Variants in ADAMTS17 observed in about 807,000 individuals in gnomAD.
ADAMTS17 encodes the protein ADAM metallopeptidase with thrombospondin type 1 motif 17.
ADAMTS17 carries 113 observed loss-of-function variants against 141.5 expected under a neutral mutation model. The observed-to-expected ratio is 0.80, with a 90% CI of 0.69 to 0.93. The LOEUF is 0.93. Ranked by LOEUF, ADAMTS17 falls within the 40% of genes least tolerant of loss-of-function variation. ADAMTS17 has a pLI of 0.00. For synonymous variants in ADAMTS17, 768 were observed against 630.6 expected, an observed-to-expected ratio of 1.22 and a Z score of -3.27; for missense variants, 1,659 against 1,517.9, an observed-to-expected ratio of 1.09 and a Z score of -1.54.
intron 2 of ADAMTS17, among the ~76,000 whole-genome samples, chr15:100,334,657 C>T (rs184461969): frequency 6.6e-6 from 1 of 152,218 alleles, no homozygotes; most frequent in Non-Finnish European, 1.5e-5. Flanking sequence ...AACACGGCCA[C>T]GCGGGGCTTC....
At chr15:100,287,708 A>C (rs893572361) in intron 3 of ADAMTS17, among the ~76,000 whole-genome samples, 1 of 152,266 alleles carries the variant, frequency 6.6e-6, no homozygotes. Context: ...TCTATAAGCC[A>C]GGAGAAATTA....
intron 14 of ADAMTS17, among the ~76,000 whole-genome samples, chr15:100,099,444 A>G (rs2035963035): frequency 6.6e-6 from 1 of 152,204 alleles, no homozygotes; most frequent in African/African-American, 2.4e-5. Flanking sequence ...TTAATTCTGA[A>G]TATTAGGGGA....
At chr15:100,284,546 G>C (rs529472216) in intron 3 of ADAMTS17, among the ~76,000 whole-genome samples, 3 of 152,250 alleles carry the variant, frequency 2.0e-5, no homozygotes, top group South Asian at 2.1e-4. Flanking sequence ...CCTTTCCAAC[G>C]CAAGTGTCCT....
At chr15:99,974,598 G>A in intron 21 of ADAMTS17, 36 bp from the exon 22 acceptor site, 1 of 1,613,778 alleles carries the variant, frequency 6.2e-7, no homozygotes. Flanking sequence ...CAGGGTCAGG[G>A]ATGGCCTAGG....
chr15:100,168,972 G>T (rs1468041639), intron 8 of ADAMTS17, among the ~76,000 whole-genome samples: 1 of 152,226 alleles, frequency 6.6e-6, no homozygotes, highest in East Asian at 1.9e-4. Context: ...CGACTATAAT[G>T]GCAGATGTGT....
chr15:100,026,425 G>A (rs544212862), intron 18 of ADAMTS17, among the ~76,000 whole-genome samples: 1 of 152,302 alleles, frequency 6.6e-6, no homozygotes, highest in Non-Finnish European at 1.5e-5. Flanking sequence ...TTAAATGGGA[G>A]GCTAAAGCAA....
intron 14 of ADAMTS17, among the ~76,000 whole-genome samples, chr15:100,100,720 G>A (rs35099276): frequency 0.086 from 13,127 of 152,040 alleles, 752 homozygotes; most frequent in Non-Finnish European, 0.13. Context: ...AACTATGGGA[G>A]CATTTTTCTC....
rs998092746 is a variant in ADAMTS17 at position 100,281,110 on chromosome 15, C to T, written c.789+119G>A. ...GCCCAGAATTACCAGGCTATGTTCC[C>T]GTATCCCCAACCCAGCGTCTTCCTC... On this transcript the variant is annotated intron_variant, in intron 4 of 21. Transcript: ENST00000268070. 2.5e-5 allele frequency: 35 copies of T among 1,407,338 alleles called. 1 individual carries two copies. Among genetic ancestry groups the T allele is most frequent in the South Asian group, 1.2e-4 (9 of 76,396 alleles). 87.2% of individuals were successfully genotyped at this position (1,407,338 alleles called of 1,614,324 possible).
chr15:100,051,125 C>T (rs565551992), intron 17 of ADAMTS17, among the ~76,000 whole-genome samples: 1 of 152,174 alleles, frequency 6.6e-6, no homozygotes, highest in Admixed American at 6.5e-5. Context: ...GAACGTTTCA[C>T]CCGACTTGCA....
At chr15:100,208,908 A>G (rs964412908) in intron 7 of ADAMTS17, among the ~76,000 whole-genome samples, 1 of 152,146 alleles carries the variant, frequency 6.6e-6, no homozygotes, top group African/African-American at 2.4e-5. Context: ...CTGCAACACC[A>G]GGCTTTACCT....
rs1168319876 is a variant in ADAMTS17 at position 100,133,353 on chromosome 15, A to G, written c.1474-38T>C. The G allele has an allele frequency of 1.9e-6, 3 of 1,539,030 alleles. No individual in the cohort carries two copies. In the African/African-American group the frequency reaches 4.1e-5, roughly 21 times the overall value. ...GGAAGGAACCATAATTGTGGAGAAC[A>G]CCCACACTCACAGGTCACAGCTGGG... On this transcript the variant is annotated intron_variant, in intron 10 of 21. Transcript: ENST00000268070.
intron 15 of ADAMTS17, chr15:100,073,974 A>G (rs1421919818): frequency 6.6e-6 from 1 of 152,220 alleles, no homozygotes; most frequent in African/African-American, 2.4e-5. Flanking sequence ...GAATCCTTTT[A>G]TAATATGTCA....
intron 12 of ADAMTS17, among the ~76,000 whole-genome samples, chr15:100,124,871 G>A (rs902698586): frequency 6.6e-6 from 1 of 152,182 alleles, no homozygotes; most frequent in Non-Finnish European, 1.5e-5. Flanking sequence ...GGCCTTGATA[G>A]ACACAAGCCC....
chr15:100,019,204 C>T (rs551546876), intron 18 of ADAMTS17, among the ~76,000 whole-genome samples: 1 of 152,276 alleles, frequency 6.6e-6, no homozygotes, highest in South Asian at 2.1e-4. Flanking sequence ...TAAGACACAA[C>T]AAACAATACT....
intron 15 of ADAMTS17, among the ~76,000 whole-genome samples, chr15:100,069,183 A>G (rs2033785726): frequency 6.6e-6 from 1 of 152,224 alleles, no homozygotes; most frequent in African/African-American, 2.4e-5. Flanking sequence ...CGAGAAGAGA[A>G]GTTTAGAGAA....
At chr15:100,280,868 TG>T (rs2044256755) in intron 4 of ADAMTS17, among the ~76,000 whole-genome samples, 1 of 152,184 alleles carries the variant, frequency 6.6e-6, no homozygotes, top group Non-Finnish European at 1.5e-5. Flanking sequence ...GGTTGGAATT[TG>T]TTCCCCCCGC....
At chr15:100,188,992 G>C (rs979039731) in intron 8 of ADAMTS17, among the ~76,000 whole-genome samples, 10 of 152,234 alleles carry the variant, frequency 6.6e-5, no homozygotes, top group African/African-American at 2.4e-4. Flanking sequence ...ACTGAGGAAT[G>C]AGTTAAACCA....
chr15:100,214,024 G>C (rs1407692739), intron 7 of ADAMTS17, among the ~76,000 whole-genome samples: 4 of 152,212 alleles, frequency 2.6e-5, no homozygotes, highest in Non-Finnish European at 5.9e-5. Context: ...CAAGAAAGAT[G>C]ACTAGTTACG....
intron 15 of ADAMTS17, among the ~76,000 whole-genome samples, chr15:100,075,786 T>C (rs1445560531): frequency 6.6e-6 from 1 of 152,226 alleles, no homozygotes; most frequent in Non-Finnish European, 1.5e-5. Context: ...TGATCTTTTA[T>C]CCTGGGACTT....
Sources: gnomAD v4.1 joint callset for allele counts (sites outside exome capture counted in the v4.1 genomes callset) on GRCh38, gnomAD v4.1.1 for gene constraint, MANE v1.5 for transcripts, NCBI Gene and HGNC (gene_info 2026-07-23, HGNC 2026-07-21) for gene names.